Variants in ANO9 observed in about 807,000 individuals in gnomAD.
ANO9 encodes the protein anoctamin 9.
Under a neutral mutation model 100.5 loss-of-function variants are expected in ANO9, and 80 were observed. That is an observed-to-expected ratio of 0.80 (90% CI 0.66 to 0.96). The LOEUF (loss-of-function observed/expected upper bound fraction) is 0.96. Ranked by LOEUF, ANO9 falls within the 40% of genes least tolerant of loss-of-function variation. The pLI is 0.00. For synonymous variants in ANO9, 473 were observed against 435.6 expected (o/e 1.09, Z -1.07); for missense variants, 1,064 against 1,072.7 (o/e 0.99, Z 0.11).
rs762301361 is a variant in ANO9, at chr11:420,506, G to C, written c.1743C>G (p.Val581=). Residue 581 remains valine, a synonymous_variant, in exon 19 of 23, where the codon GTC becomes GTG. Coordinates refer to ENST00000332826, the MANE Select transcript of ANO9 (RefSeq NM_001012302.3). Reference sequence around the variant, plus strand: ...GCGGCACCAGGCGCCGCTGCAACCAGACCATCTTGATGGCGTCCAGGCGGA... The same window carrying C: ...GCGGCACCAGGCGCCGCTGCAACCACACCATCTTGATGGCGTCCAGGCGGA... ...VEIRLDAIKM[V]WLQRRLVPRK... The C allele has an allele frequency of 7.5e-6, 12 of 1,605,298 alleles. No individual in the cohort carries two copies. Among genetic ancestry groups the C allele is most frequent in the Non-Finnish European group, 1.0e-5 (12 of 1,179,602 alleles).
chr11:432,144 CCCCTCCCTGTCCTGG>C lies in ANO9; in HGVS notation c.351-105_351-91del. The C allele has an allele frequency of 7.0e-7, 1 of 1,421,728 alleles. No homozygotes were observed. The highest frequency in any genetic ancestry group is 9.7e-7 in the Non-Finnish European group (1 of 1,027,814). The allele number at this position is 1,421,728 out of a possible 1,614,324, so 88.1% of individuals were successfully genotyped here. A position where few individuals can be genotyped will look rare whatever the true frequency, so the allele number is the denominator to read the frequency against. On this transcript the variant is annotated intron_variant, in intron 4 of 22. Transcript: ENST00000332826. The surrounding 1 kb of genome is among the most constrained non-coding windows in gnomAD (Gnocchi z 4.8). Reference sequence around the variant, plus strand: ...GCCCTCTGGTCTGGCCAGGCCCAGGCCCCTCCCTGTCCTGGCAGAGCCCCCAGCCTGCCAGCCCTG... The same window carrying C: ...GCCCTCTGGTCTGGCCAGGCCCAGGCCAGAGCCCCCAGCCTGCCAGCCCTG...
Position 432,364 on chromosome 11 carries a change from A to C in ANO9, c.351-310T>G. The stretch of plus-strand genomic sequence containing the variant: ...GCCCGCACCTGCAACCACACCTCCC[A>C]CCTGCGGGCCCCATGTGTCCAGAGC... On this transcript the variant is annotated intron_variant, in intron 4 of 22. Coordinates refer to ENST00000332826, the MANE Select transcript of ANO9 (RefSeq NM_001012302.3). This position sits in a 1 kb window ranked among gnomAD's most constrained non-coding sequence, Gnocchi z 4.8. 7 of 443,346 alleles carry C rather than the reference A, an allele frequency of 1.6e-5. No homozygotes were observed. The highest frequency in any genetic ancestry group is 2.6e-5 in the South Asian group (1 of 38,302). 27.5% of individuals were successfully genotyped at this position (443,346 alleles called of 1,614,324 possible). A position where few individuals can be genotyped will look rare whatever the true frequency, so the allele number is the denominator to read the frequency against.
At chr11:436,362 C>T (rs535420581) in intron 1 of ANO9, among the ~76,000 whole-genome samples, 4 of 152,192 alleles carry the variant, frequency 2.6e-5, no homozygotes, top group South Asian at 2.1e-4. Flanking sequence ...CCACCACGCC[C>T]GGCCCTGTTT....
rs915346102 is a variant in ANO9 at position 423,245 on chromosome 11, C to T, written c.1335-2047G>A. On this transcript the variant is annotated intron_variant, in intron 15 of 22. Transcript: ENST00000332826. ...AGAAGAGTGATGGACAGCAGCTAGC[C>T]CCACCCTACAGCAAGGCATAAAGCA... Among the ~76,000 whole-genome samples the T allele has an allele frequency of 1.1e-4, 16 of 151,996 alleles. 1 individual carries two copies. The highest frequency in any genetic ancestry group is 5.2e-4 in the Admixed American group (8 of 15,260).
At chr11:420,889 G>T in intron 17 of ANO9, 29 bp from the exon 18 acceptor site, 1 of 1,589,912 alleles carries the variant, frequency 6.3e-7, no homozygotes. Flanking sequence ...GGCAGGGAGG[G>T]CGCAGGGGGC....
chr11:419,961 C>G, intron 19 of ANO9: 2 of 1,403,696 alleles, frequency 1.4e-6, no homozygotes, highest in Non-Finnish European at 1.9e-6. Context: ...AATCCTCATC[C>G]TCCATCTTCC....
chr11:419,112 C>A (rs1564901787), intron 20 of ANO9, 123 bp from the exon 21 acceptor site: 1 of 1,522,770 alleles, frequency 6.6e-7, no homozygotes, highest in South Asian at 1.3e-5. Context: ...CCACAGACTG[C>A]GTCCAGTGGG....
chr11:421,114 A>C lies in ANO9; in HGVS notation c.1392+27T>G. The C allele has an allele frequency of 1.3e-6, 2 of 1,574,054 alleles. No individual in the cohort carries two copies. Among genetic ancestry groups the C allele is most frequent in the African/African-American group, 1.3e-5 (1 of 74,338 alleles). On this transcript the variant is annotated intron_variant, in intron 16 of 22. Coordinates refer to ENST00000332826, the MANE Select transcript of ANO9 (RefSeq NM_001012302.3). The surrounding 1 kb of genome is among the most constrained non-coding windows in gnomAD (Gnocchi z 6.8). Reference sequence around the variant, plus strand: ...GTCAGGGGAGCAGTGGCTCAGGGACAGGGCATGAAGCCTGGGGGTGACTGA... The same window carrying C: ...GTCAGGGGAGCAGTGGCTCAGGGACCGGGCATGAAGCCTGGGGGTGACTGA...
intron 1 of ANO9, 145 bp downstream of exon 1, chr11:441,776 G>T: frequency 1.5e-6 from 2 of 1,305,966 alleles, no homozygotes; most frequent in Non-Finnish European, 2.0e-6. Flanking sequence ...GGTCACCCTC[G>T]CCTGACCGGG....
Position 419,237 on chromosome 11 carries a change from T to A in ANO9, c.1935-248A>T. On this transcript the variant is annotated intron_variant, in intron 20 of 22. Coordinates refer to ENST00000332826, the MANE Select transcript of ANO9 (RefSeq NM_001012302.3). ...AGAGACTGGCCCTGGGGACCCAGTC[T>A]GCAGTTTGGTGGCTCCTCGAGGTCA... is the stretch of plus-strand genomic sequence containing the variant. 3 of 1,424,500 alleles carry A rather than the reference T, an allele frequency of 2.1e-6. No homozygotes were observed. The South Asian group carries it at 4.6e-5, about 22-fold the overall frequency. The allele number at this position is 1,424,500 out of a possible 1,614,324, so 88.2% of individuals were successfully genotyped here.
chr11:431,691 T>G lies in ANO9; in HGVS notation c.539+3A>C, dbSNP rs200786399. 1.2e-6 allele frequency: 2 copies of G among 1,612,268 alleles called. No individual in the cohort carries two copies. Among genetic ancestry groups the G allele is most frequent in the Admixed American group, 1.7e-5 (1 of 59,934 alleles). On this transcript the variant is annotated splice_donor_region_variant and intron_variant, in intron 7 of 22. Transcript: ENST00000332826. ...TTCCTGTGCTCTCTTTGGGCAGCGT[T>G]ACCTGATTTCATCAACTGGCTGCTC...
intron 1 of ANO9, among the ~76,000 whole-genome samples, chr11:439,493 C>G (rs1845677781): frequency 9.3e-6 from 1 of 107,580 alleles, no homozygotes; most frequent in Non-Finnish European, 1.8e-5. Flanking sequence ...TCCCATGACG[C>G]ACATCCCCCC....
In ANO9 at chr11:418,571, T is replaced by C; in HGVS notation, c.2149A>G (p.Lys717Glu). ...ILFEHVALCI[K>E]LIAAWFVPDI... ...GGCACGAACCAGGCGGCGATGAGCT[T>C]GATGCACAAGGCCACGTGCTAGCGG... The change falls in exon 23 of 23, where the codon AAG becomes GAG. Residue 717 changes from lysine to glutamate, a missense_variant. By Grantham distance (56) the Lys-to-Glu change is moderately conservative (BLOSUM62 1). Transcript: ENST00000332826. 6.2e-7 allele frequency: 1 copy of C among 1,612,948 alleles called. No homozygotes were observed. The highest frequency in any genetic ancestry group is 8.5e-7 in the Non-Finnish European group (1 of 1,179,998).
intron 18 of ANO9, 26 bp from the exon 19 acceptor site, chr11:420,641 G>A: frequency 6.2e-7 from 1 of 1,603,022 alleles, no homozygotes. Flanking sequence ...CAGGCTCACC[G>A]GCGCCCCGCA....
In ANO9 at chr11:442,007, C is replaced by G; in HGVS notation, c.-81G>C. 3 of 1,560,368 alleles carry G rather than the reference C, an allele frequency of 1.9e-6. No homozygotes were observed. The highest frequency in any genetic ancestry group is 2.7e-5 in the African/African-American group (2 of 74,534). The stretch of plus-strand genomic sequence containing the variant: ...GCGGCGGGTGCTCCTACCTGACTTC[C>G]GCGTGGGGCTCGCCCCTCCCTCCTC... On this transcript the variant is annotated 5_prime_UTR_variant, in exon 1 of 23. Coordinates refer to ENST00000332826, the MANE Select transcript of ANO9 (RefSeq NM_001012302.3).
At chr11:419,819 C>CG in intron 19 of ANO9, 90 bp from the exon 20 acceptor site, 1 of 1,554,986 alleles carries the variant, frequency 6.4e-7, no homozygotes. Context: ...CGGGGCCTGC[C>CG]GTGTCTCTGT....
intron 1 of ANO9, among the ~76,000 whole-genome samples, chr11:439,276 G>A (rs897007137): frequency 2.0e-5 from 3 of 152,230 alleles, no homozygotes; most frequent in Non-Finnish European, 4.4e-5. Flanking sequence ...CGTCCAGTGG[G>A]CAAGCCCCTG....
chr11:434,172 T>C (rs1849270172), intron 1 of ANO9, 74 bp from the exon 2 acceptor site: 6 of 1,493,862 alleles, frequency 4.0e-6, no homozygotes, highest in Non-Finnish European at 5.4e-6. Context: ...GGCGGGTCCC[T>C]GCAGCGGACC....
At chr11:437,164 G>A (rs1845418864) in intron 1 of ANO9, among the ~76,000 whole-genome samples, 2 of 151,962 alleles carry the variant, frequency 1.3e-5, no homozygotes, top group African/African-American at 4.8e-5. Context: ...TGCGCATGCA[G>A]GGATCTCGGC....
Sources: gnomAD v4.1 joint callset for allele counts (sites outside exome capture counted in the v4.1 genomes callset) on GRCh38, gnomAD v4.1.1 for gene constraint, Gnocchi (gnomAD v3.1) non-coding constraint, MANE v1.5 for transcripts, NCBI Gene and HGNC (gene_info 2026-07-23, HGNC 2026-07-21) for gene names.